Variants in SLC5A11 observed in about 807,000 individuals in gnomAD.
SLC5A11 encodes sodium/myo-inositol cotransporter 2.
In SLC5A11, 48 loss-of-function variants were observed where a neutral mutation model predicts 69.8. The observed-to-expected ratio is 0.69, with a 90% CI of 0.55 to 0.87. The LOEUF (loss-of-function observed/expected upper bound fraction) is 0.87. SLC5A11 is among the 40% of genes least tolerant of loss of function. The pLI, the probability that SLC5A11 is intolerant of heterozygous loss-of-function variation, is 0.00. For synonymous variants in SLC5A11, 319 were observed against 342.4 expected (o/e 0.93, Z 0.75); for missense variants, 784 against 866.1 (o/e 0.91, Z 1.19).
chr16:24,900,290 A>G (rs1567681027), intron 10 of SLC5A11, among the ~76,000 whole-genome samples: 1 of 152,202 alleles, frequency 6.6e-6, no homozygotes, highest in Non-Finnish European at 1.5e-5. Flanking sequence ...GCCTTATCCT[A>G]CATAATGTTA....
In SLC5A11 at chr16:24,907,960, C is replaced by G; in HGVS notation, c.1266-3C>G. ...AATTTGTGCCTCTCGCCGCCGGCACCAGGGTGTTTGTGCTGCTGCTGGTCC... is the reference window on the plus strand; with the variant it reads ...AATTTGTGCCTCTCGCCGCCGGCACGAGGGTGTTTGTGCTGCTGCTGGTCC... On this transcript the variant is annotated splice_region_variant and splice_polypyrimidine_tract_variant and intron_variant, in intron 12 of 15. Transcript: ENST00000347898. 1.2e-6 allele frequency: 2 copies of G among 1,613,974 alleles called. No individual in the cohort carries two copies. Among genetic ancestry groups the G allele is most frequent in the Middle Eastern group, 1.7e-4 (1 of 6,058 alleles).
At chr16:24,889,157 A>G (rs1442182009) in intron 8 of SLC5A11, among the ~76,000 whole-genome samples, 3 of 152,190 alleles carry the variant, frequency 2.0e-5, no homozygotes, top group Admixed American at 6.5e-5. Context: ...CAAGAAAAAA[A>G]GAGAAAACAG....
intron 2 of SLC5A11, among the ~76,000 whole-genome samples, chr16:24,860,837 C>A (rs1443563831): frequency 6.6e-6 from 1 of 152,112 alleles, no homozygotes; most frequent in Admixed American, 6.5e-5. Flanking sequence ...TCCCTAGTAG[C>A]TAGGACTACA....
intron 10 of SLC5A11, among the ~76,000 whole-genome samples, chr16:24,902,570 G>T (rs1255699886): frequency 2.3e-5 from 3 of 131,438 alleles, no homozygotes; most frequent in Non-Finnish European, 3.2e-5. Flanking sequence ...TTTTTGAGAC[G>T]GTGTTTTGCT....
intron 10 of SLC5A11, among the ~76,000 whole-genome samples, chr16:24,901,435 T>A (rs772015913): frequency 2.0e-5 from 3 of 149,792 alleles, no homozygotes; most frequent in African/African-American, 4.9e-5. Context: ...GGCAACGTGA[T>A]GAAACCTCGT....
At chr16:24,890,736 A>T in intron 8 of SLC5A11, 133 bp from the exon 10 acceptor site, 1 of 773,584 alleles carries the variant, frequency 1.3e-6, no homozygotes, top group Non-Finnish European at 2.2e-6. Flanking sequence ...GGAGGAGGTT[A>T]AGAACCCTTA....
At chr16:24,849,586 AAAAAAAAAT>A (rs1445635950) in intron 1 of SLC5A11, among the ~76,000 whole-genome samples, 15 of 112,638 alleles carry the variant, frequency 1.3e-4, no homozygotes, top group African/African-American at 4.6e-4. Context: ...AAAAAAAAAA[AAAAAAAAAT>A]ATATATATAT....
intron 8 of SLC5A11, among the ~76,000 whole-genome samples, chr16:24,889,738 G>GACACAT (rs2048651033): frequency 6.6e-6 from 1 of 151,674 alleles, no homozygotes; most frequent in Non-Finnish European, 1.5e-5. Context: ...AGTAGAGACA[G>GACACAT]GGTTTCACCA....
At chr16:24,901,954 A>ACG (rs1555532957) in intron 10 of SLC5A11, among the ~76,000 whole-genome samples, 27 of 88,420 alleles carry the variant, frequency 3.1e-4, no homozygotes, top group Admixed American at 7.0e-4. Context: ...ACACACACAC[A>ACG]CACGCACACA....
chr16:24,870,106 G>A (rs2047178397), intron 4 of SLC5A11, 101 bp downstream of exon 5: 2 of 827,410 alleles, frequency 2.4e-6, no homozygotes, highest in South Asian at 1.6e-5. Flanking sequence ...AAAATAGAAT[G>A]GTGGGGCCAG....
At position 24,872,234 on chromosome 16, in the gene SLC5A11, A is replaced by T; in HGVS notation, c.372+15A>T. The T allele has an allele frequency of 6.2e-7, 1 of 1,614,000 alleles. No individual in the cohort carries two copies. The highest frequency in any genetic ancestry group is 1.1e-5 in the South Asian group (1 of 91,074). On this transcript the variant is annotated intron_variant, in intron 5 of 15. Coordinates refer to ENST00000347898, the Ensembl canonical transcript of SLC5A11. ...TTGCTGGTCAGGTGAGTCGGGGGAC[A>T]TTGGGATGCTGTAGAATTGAAAGAT...
At chr16:24,898,190 C>T in intron 10 of SLC5A11, 81 bp downstream of exon 11, 2 of 1,503,996 alleles carry the variant, frequency 1.3e-6, no homozygotes, top group Non-Finnish European at 1.8e-6. Flanking sequence ...TTATTAGAAG[C>T]CTCAAGAGAA....
At chr16:24,905,640 G>GCGCACACACACA (rs1443035551) in intron 10 of SLC5A11, among the ~76,000 whole-genome samples, 1 of 136,778 alleles carries the variant, frequency 7.3e-6, no homozygotes, top group African/African-American at 2.8e-5. Context: ...GCGCGCGCGC[G>GCGCACACACACA]CACACACACA....
intron 9 of SLC5A11, among the ~76,000 whole-genome samples, chr16:24,896,514 T>A (rs1042328091): frequency 1.1e-4 from 17 of 152,044 alleles, no homozygotes; most frequent in African/African-American, 3.9e-4. Context: ...AAAGGCATTT[T>A]AAAAAATTTA....
At position 24,877,242 on chromosome 16, in the gene SLC5A11, C is replaced by T. The variant is rs754260458; in HGVS notation, c.478-16C>T. On this transcript the variant is annotated splice_polypyrimidine_tract_variant and intron_variant, in intron 6 of 15. Coordinates refer to ENST00000347898, the Ensembl canonical transcript of SLC5A11. ...ATTCGTTCATTTGTTCATCCATCAA[C>T]CTCCTTTCTTCACAGGTAGACATGT... The T allele has an allele frequency of 1.9e-6, 3 of 1,612,148 alleles. No homozygotes were observed. The South Asian group carries it at 3.3e-5, about 18-fold the overall frequency.
chr16:24,856,013 A>G (rs1214531186), intron 1 of SLC5A11, among the ~76,000 whole-genome samples: 1 of 152,196 alleles, frequency 6.6e-6, no homozygotes, highest in African/African-American at 2.4e-5. Flanking sequence ...CCCCTGTCTG[A>G]TCATACCACT....
At position 24,906,749 on chromosome 16, in the gene SLC5A11, G is replaced by A. The variant is rs1199409774; in HGVS notation, c.1099G>A (p.Glu367Lys). The A allele has an allele frequency of 2.5e-6, 4 of 1,612,700 alleles. No homozygotes were observed. The African/African-American group carries it at 5.3e-5, about 22-fold the overall frequency. ...CATCGCGTATCCCAAACTCGTGCTG[G>A]AACTCCTGCCCACAGGTAATGTCCC... Residue 367 changes from glutamate to lysine, a missense_variant, in exon 11 of 16, where the codon GAA becomes AAA. Glu to Lys is a moderately conservative substitution (Grantham distance 56). Coordinates refer to ENST00000347898, the Ensembl canonical transcript of SLC5A11.
chr16:24,877,258 G>A (rs1239490643), exon 7 of SLC5A11: 1 of 1,613,558 alleles, frequency 6.2e-7, no homozygotes, highest in African/African-American at 1.3e-5. Flanking sequence ...TTCTTCACAG[G>A]TAGACATGTA....
chr16:24,873,243 GAGGGAGGAAGGA>G (rs1476548497), intron 5 of SLC5A11, among the ~76,000 whole-genome samples: 35 of 113,918 alleles, frequency 3.1e-4, no homozygotes, highest in African/African-American at 1.0e-3. Context: ...TGGAGAGAGG[GAGGGAGGAAGGA>G]AGGAAGGAAG....
Sources: allele counts gnomAD v4.1 joint callset (sites outside exome capture counted in the v4.1 genomes callset), GRCh38; gene constraint gnomAD v4.1.1; transcripts MANE v1.5; gene names NCBI Gene and HGNC (gene_info 2026-07-23, HGNC 2026-07-21).